IDE: variants seen among roughly 807,000 people sequenced by gnomAD.
The protein encoded by IDE is insulin-degrading enzyme.
A neutral mutation model predicts 133.2 loss-of-function variants in IDE; 58 were observed. That is an observed-to-expected ratio of 0.44 (90% confidence interval 0.35 to 0.54). The LOEUF (loss-of-function observed/expected upper bound fraction) is 0.54. Among genes scored for constraint, IDE ranks in the 20% least tolerant of loss-of-function variants. The pLI is 0.00. For synonymous variants in IDE, 396 were observed against 421.3 expected, an observed-to-expected ratio of 0.94 and a Z score of 0.73; for missense variants, 981 against 1,234.0, an observed-to-expected ratio of 0.79 and a Z score of 3.07.
At chr10:92,561,825 G>C (rs1329368107) in intron 1 of IDE, among the ~76,000 whole-genome samples, 2 of 152,072 alleles carry the variant, frequency 1.3e-5, no homozygotes, top group South Asian at 4.1e-4. Flanking sequence ...TGAGGCAAAG[G>C]GTAGTCCTGA....
intron 13 of IDE, 112 bp downstream of exon 13, chr10:92,487,084 G>C: frequency 2.1e-6 from 2 of 968,538 alleles, no homozygotes; most frequent in Non-Finnish European, 3.0e-6. Context: ...CACCTATTAG[G>C]ATGTGAGCCT....
At chr10:92,485,291 A>T (rs1221228651) in intron 13 of IDE, among the ~76,000 whole-genome samples, 1 of 151,834 alleles carries the variant, frequency 6.6e-6, no homozygotes. Flanking sequence ...ACGCCCAGCT[A>T]ATTTTTTTTA....
intron 22 of IDE, among the ~76,000 whole-genome samples, chr10:92,458,595 G>A (rs1845172705): frequency 6.9e-6 from 1 of 143,908 alleles, no homozygotes; most frequent in Non-Finnish European, 1.5e-5. Flanking sequence ...TCCACCTTCT[G>A]GGTTCAAGTG....
chr10:92,560,957 G>C (rs547530853), intron 1 of IDE, among the ~76,000 whole-genome samples: 2 of 151,852 alleles, frequency 1.3e-5, no homozygotes, highest in African/African-American at 2.4e-5. Flanking sequence ...ACTCAGGCCG[G>C]GTGTGGTGGC....
At chr10:92,500,109 C>G (rs968706509) in intron 11 of IDE, among the ~76,000 whole-genome samples, 3 of 152,004 alleles carry the variant, frequency 2.0e-5, no homozygotes, top group African/African-American at 7.3e-5. Flanking sequence ...ACCAGCCTGA[C>G]CAACATGGAG....
intron 1 of IDE, among the ~76,000 whole-genome samples, chr10:92,547,336 G>A (rs947388468): frequency 1.3e-5 from 2 of 151,516 alleles, no homozygotes; most frequent in Non-Finnish European, 2.9e-5. Context: ...TGCCCGCTTC[G>A]GCCTCCCAAA....
chr10:92,513,737 C>T (rs1848751356), intron 5 of IDE, among the ~76,000 whole-genome samples: 2 of 151,090 alleles, frequency 1.3e-5, no homozygotes, highest in Non-Finnish European at 2.9e-5. Flanking sequence ...GAATATCTTC[C>T]CATGGTATTA....
intron 17 of IDE, among the ~76,000 whole-genome samples, chr10:92,473,978 C>CT (rs199755356): frequency 6.6e-6 from 1 of 150,840 alleles, no homozygotes; most frequent in Non-Finnish European, 1.5e-5. Context: ...CAGACTCCGT[C>CT]TTTAAAAAAA....
chr10:92,507,287 T>A (rs1056846233), intron 9 of IDE, among the ~76,000 whole-genome samples: 1 of 152,168 alleles, frequency 6.6e-6, no homozygotes, highest in Admixed American at 6.5e-5. Context: ...ATATTCCAGC[T>A]CAAGAAACTG....
At chr10:92,503,928 G>C (rs1261119775) in intron 11 of IDE, among the ~76,000 whole-genome samples, 1 of 151,994 alleles carries the variant, frequency 6.6e-6, no homozygotes, top group African/African-American at 2.4e-5. Flanking sequence ...ATGTTGGTCA[G>C]GCTGGTCTCG....
intron 4 of IDE, among the ~76,000 whole-genome samples, chr10:92,524,336 A>T (rs1211560921): frequency 2.1e-5 from 1 of 48,464 alleles, no homozygotes; most frequent in Non-Finnish European, 3.7e-5. Flanking sequence ...TATTATATAT[A>T]TTATATTATA....
At chr10:92,485,682 C>T (rs769400467) in intron 13 of IDE, among the ~76,000 whole-genome samples, 1 of 152,126 alleles carries the variant, frequency 6.6e-6, no homozygotes, top group South Asian at 2.1e-4. Context: ...GTAGCTCACA[C>T]CTATAATTCC....
At chr10:92,508,044 T>C (rs1428843085) in intron 8 of IDE, 69 bp downstream of exon 8, 2 of 1,069,064 alleles carry the variant, frequency 1.9e-6, no homozygotes, top group Non-Finnish European at 2.9e-6. Flanking sequence ...ATCCACAGCA[T>C]GAAGAAGTTA....
intron 17 of IDE, among the ~76,000 whole-genome samples, chr10:92,472,617 G>A (rs1846023258): frequency 6.6e-6 from 1 of 151,398 alleles, no homozygotes; most frequent in African/African-American, 2.4e-5. Flanking sequence ...TGTCACAAAA[G>A]GTTATTAAAA....
At chr10:92,555,944 C>T (rs1397204062) in intron 1 of IDE, among the ~76,000 whole-genome samples, 5 of 152,004 alleles carry the variant, frequency 3.3e-5, no homozygotes, top group African/African-American at 4.8e-5. Context: ...GAGGCCGAGG[C>T]GGGTGGATCA....
rs80154539 is a variant in IDE, at chr10:92,485,492, G to A, written c.1656+1704C>T. ...TATGCAACCATGGATAACCAACATG[G>A]CCAAGGATGAACAAATAAGCTACTT... On this transcript the variant is annotated intron_variant, in intron 13 of 24. Transcript: ENST00000265986. 2.3e-3 allele frequency among the ~76,000 whole-genome samples: 347 copies of A among 152,294 alleles called. 8 individuals are homozygous for A. In the East Asian group the frequency reaches 0.048, roughly 21 times the overall value.
chr10:92,486,448 T>C lies in IDE; in HGVS notation c.1656+748A>G, dbSNP rs148568343. 3.9e-4 allele frequency among the ~76,000 whole-genome samples: 59 copies of C among 152,292 alleles called. 3 individuals carry two copies. In the East Asian group the frequency reaches 0.01, roughly 26 times the overall value. Reference sequence around the variant, plus strand: ...TTCCTAAACACTAATTGTTATCTCATTGAACTCATCTAAATTCTTCCAAAT... The same window carrying C: ...TTCCTAAACACTAATTGTTATCTCACTGAACTCATCTAAATTCTTCCAAAT... On this transcript the variant is annotated intron_variant, in intron 13 of 24. Coordinates refer to ENST00000265986, the MANE Select transcript of IDE (RefSeq NM_004969.4).
intron 1 of IDE, among the ~76,000 whole-genome samples, chr10:92,570,977 C>T (rs997223620): frequency 6.6e-6 from 1 of 151,574 alleles, no homozygotes; most frequent in Non-Finnish European, 1.5e-5. Flanking sequence ...AGACTGTCCC[C>T]AACCCTAACT....
At chr10:92,523,658 G>A (rs1336351496) in intron 4 of IDE, among the ~76,000 whole-genome samples, 9 of 148,412 alleles carry the variant, frequency 6.1e-5, no homozygotes, top group Admixed American at 2.7e-4. Context: ...CCAAGATCAT[G>A]CCATGTCACT....
Sources: gnomAD v4.1 joint callset for allele counts (sites outside exome capture counted in the v4.1 genomes callset) on GRCh38, gnomAD v4.1.1 for gene constraint, MANE v1.5 for transcripts, NCBI Gene and HGNC (gene_info 2026-07-23, HGNC 2026-07-21) for gene names.